The following KIF21A variants were observed in gnomAD, a reference collection of about 807,000 sequenced individuals.
KIF21A encodes the protein kinesin family member 21A, also known as kinesin-like protein KIF21A.
KIF21A carries 114 observed loss-of-function variants against 202.9 expected under a neutral mutation model. The ratio of observed to expected loss-of-function variants is 0.56; its 90% CI spans 0.48 to 0.66. The LOEUF (loss-of-function observed/expected upper bound fraction) is 0.66, where lower values mean the gene tolerates loss of function less well. Among genes scored for constraint, KIF21A ranks in the 30% least tolerant of loss-of-function variants. The pLI is 0.00. For synonymous variants in KIF21A, 667 were observed against 670.8 expected, an observed-to-expected ratio of 0.99 and a Z score of 0.09; for missense variants, 1,677 against 1,994.9, an observed-to-expected ratio of 0.84 and a Z score of 3.04.
In KIF21A at chr12:39,315,967, A is replaced by C. The variant is rs1213616581; in HGVS notation, c.3912T>G (p.Ser1304=). The change falls in exon 30 of 38, where the codon TCT becomes TCG. Residue 1304 remains serine, a synonymous_variant. Coordinates refer to ENST00000361418, the MANE Select transcript of KIF21A (RefSeq NM_001173464.2). ...CCGAGAGAGAGGAGTCACTTTCATC[A>C]GACCTATAGTGAAAGAGTTAGAATT... ...QGNTSVQQDK[S]DESDSSLSEV... The C allele has an allele frequency of 6.2e-7, 1 of 1,600,930 alleles. No individual in the cohort carries two copies. Among genetic ancestry groups the C allele is most frequent in the African/African-American group, 1.3e-5 (1 of 74,694 alleles).
At chr12:39,396,112 A>T (rs566156371) in intron 1 of KIF21A, among the ~76,000 whole-genome samples, 51 of 152,256 alleles carry the variant, frequency 3.3e-4, no homozygotes, top group African/African-American at 1.2e-3. Flanking sequence ...CCTCCGGACC[A>T]GTGATTACCT....
chr12:39,363,630 C>T (rs974048385), intron 6 of KIF21A, among the ~76,000 whole-genome samples: 5 of 152,242 alleles, frequency 3.3e-5, no homozygotes, highest in South Asian at 2.1e-4. Flanking sequence ...ACAGTTCCCA[C>T]GGGAAAAGAA....
chr12:39,393,363 T>A (rs1033655988), intron 1 of KIF21A, among the ~76,000 whole-genome samples: 2 of 152,106 alleles, frequency 1.3e-5, no homozygotes, highest in Non-Finnish European at 2.9e-5. Flanking sequence ...AGGAGGCAAA[T>A]GCTAACCAAT....
At chr12:39,327,607 A>G (rs1946080172) in intron 24 of KIF21A, among the ~76,000 whole-genome samples, 1 of 152,222 alleles carries the variant, frequency 6.6e-6, no homozygotes, top group African/African-American at 2.4e-5. Flanking sequence ...AGTGCTTCGT[A>G]AAAAGCTCTT....
intron 31 of KIF21A, 35 bp from the exon 32 acceptor site, chr12:39,311,588 A>G (rs776831830): frequency 6.2e-7 from 1 of 1,610,566 alleles, no homozygotes; most frequent in Non-Finnish European, 8.5e-7. Flanking sequence ...ACCAAGACTC[A>G]CTTCAGTATC....
intron 1 of KIF21A, among the ~76,000 whole-genome samples, chr12:39,428,342 G>T (rs558230990): frequency 6.2e-4 from 94 of 152,306 alleles, no homozygotes; most frequent in Non-Finnish European, 1.1e-3. Flanking sequence ...AGTGAAGGTT[G>T]TTTTCAGGAT....
intron 24 of KIF21A, 170 bp downstream of exon 24, chr12:39,330,072 A>G (rs1434957552): frequency 1.7e-6 from 1 of 576,838 alleles, no homozygotes; most frequent in African/African-American, 1.9e-5. Context: ...AGGAATGTTT[A>G]ATAAAAGACT....
intron 7 of KIF21A, among the ~76,000 whole-genome samples, chr12:39,359,798 TCTTA>T (rs1434953895): frequency 1.3e-5 from 2 of 152,232 alleles, no homozygotes; most frequent in African/African-American, 2.4e-5. Flanking sequence ...TACATCCATT[TCTTA>T]CTTATTTACA....
rs1295687452 is a variant in KIF21A, at chr12:39,442,847, C to T, written c.44+80G>A. On this transcript the variant is annotated intron_variant, in intron 1 of 37. Coordinates refer to ENST00000361418, the MANE Select transcript of KIF21A (RefSeq NM_001173464.2). This position sits in a 1 kb window ranked among gnomAD's most constrained non-coding sequence, Gnocchi z 5.0. Reference sequence around the variant, plus strand: ...CCTCAGGTCGCTCCACCCCGGTAGCCGGTGCTCCGCGCCACAGCCAGGTCC... The same window carrying T: ...CCTCAGGTCGCTCCACCCCGGTAGCTGGTGCTCCGCGCCACAGCCAGGTCC... The T allele has an allele frequency of 4.7e-6, 7 of 1,488,300 alleles. No individual in the cohort carries two copies. The East Asian group carries it at 1.8e-4, about 39-fold the overall frequency. The allele number at this position is 1,488,300 out of a possible 1,614,324, so 92.2% of individuals were successfully genotyped here. A position where few individuals can be genotyped will look rare whatever the true frequency, so the allele number is the denominator to read the frequency against.
intron 12 of KIF21A, among the ~76,000 whole-genome samples, chr12:39,342,851 C>T (rs1947560474): frequency 6.6e-6 from 1 of 152,188 alleles, no homozygotes. Context: ...CTAGTACCTA[C>T]AGCCATAACT....
At position 39,369,711 on chromosome 12, in the gene KIF21A, C is replaced by A. The variant is rs757509242; in HGVS notation, c.450+18G>T. 34 of 1,601,040 alleles carry A rather than the reference C, an allele frequency of 2.1e-5. No individual in the cohort carries two copies. The highest frequency in any genetic ancestry group is 2.9e-5 in the Non-Finnish European group (34 of 1,171,654). On this transcript the variant is annotated intron_variant, in intron 3 of 37. Transcript: ENST00000361418. ...GAACAAAATTTAAAAGAAATTAATG[C>A]CAAAATTGGATTATTACCTCTAAGA...
At position 39,373,722 on chromosome 12, in the gene KIF21A, C is replaced by T. The variant is rs539947557; in HGVS notation, c.45-3461G>A. Among the ~76,000 whole-genome samples, 316 of 152,128 alleles carry T rather than the reference C, an allele frequency of 2.1e-3. 2 individuals are homozygous for T. The highest frequency in any genetic ancestry group is 7.7e-4 in the East Asian group (4 of 5,184). On this transcript the variant is annotated intron_variant, in intron 1 of 37. Coordinates refer to ENST00000361418, the MANE Select transcript of KIF21A (RefSeq NM_001173464.2). Reference sequence around the variant, plus strand: ...CAACATAACAAAGAAAAACTAGGTGCCATTTGAATTGCAGATACGATAGCC... The same window carrying T: ...CAACATAACAAAGAAAAACTAGGTGTCATTTGAATTGCAGATACGATAGCC...
At chr12:39,310,095 CTCT>C (rs1943880840) in intron 32 of KIF21A, among the ~76,000 whole-genome samples, 5 of 152,158 alleles carry the variant, frequency 3.3e-5, no homozygotes, top group African/African-American at 1.2e-4. Flanking sequence ...TCAGATCAGC[CTCT>C]TCAAAACATT....
At chr12:39,359,883 G>A (rs1949073040) in intron 7 of KIF21A, among the ~76,000 whole-genome samples, 1 of 152,152 alleles carries the variant, frequency 6.6e-6, no homozygotes, top group Admixed American at 6.5e-5. Context: ...TGAACTTCCT[G>A]TAATCAATGA....
intron 3 of KIF21A, among the ~76,000 whole-genome samples, chr12:39,369,020 C>G (rs1816329600): frequency 6.6e-6 from 1 of 152,142 alleles, no homozygotes; most frequent in East Asian, 1.9e-4. Context: ...TCTACCTATG[C>G]AAGGATAACA....
chr12:39,352,985 T>A (rs1948508600), intron 10 of KIF21A, among the ~76,000 whole-genome samples: 1 of 152,074 alleles, frequency 6.6e-6, no homozygotes, highest in East Asian at 1.9e-4. Context: ...TAATAGATTT[T>A]CAAGGTTAGT....
intron 1 of KIF21A, among the ~76,000 whole-genome samples, chr12:39,374,481 AT>A (rs1389715380): frequency 1.3e-5 from 2 of 152,174 alleles, no homozygotes; most frequent in Non-Finnish European, 2.9e-5. Context: ...AAAATGTATT[AT>A]TCTACAACTA....
chr12:39,318,006 T>C (rs1477900600), intron 29 of KIF21A, 67 bp downstream of exon 29: 1 of 1,501,184 alleles, frequency 6.7e-7, no homozygotes, highest in Admixed American at 1.7e-5. Context: ...ACATGTTTTC[T>C]ACAGACTGTA....
At chr12:39,384,863 G>C (rs1950840554) in intron 1 of KIF21A, among the ~76,000 whole-genome samples, 1 of 152,116 alleles carries the variant, frequency 6.6e-6, no homozygotes, top group Non-Finnish European at 1.5e-5. Flanking sequence ...TGCAGTTCTG[G>C]ACTGAGGACC....
Sources: gnomAD v4.1 joint callset for allele counts (sites outside exome capture counted in the v4.1 genomes callset) on GRCh38, gnomAD v4.1.1 for gene constraint, Gnocchi (gnomAD v3.1) non-coding constraint, MANE v1.5 for transcripts, NCBI Gene and HGNC (gene_info 2026-07-23, HGNC 2026-07-21) for gene names.